Variants in ZNF148 observed in about 807,000 individuals in gnomAD.
The protein encoded by ZNF148 is Beta-Enolase Repressor Factor-1.
In ZNF148, 7 loss-of-function variants were observed where a neutral mutation model predicts 67.7. The ratio of observed to expected loss-of-function variants is 0.10; its 90% CI spans 0.06 to 0.19. ZNF148 has a LOEUF of 0.19. ZNF148 is among the 10% of genes least tolerant of loss of function. The pLI is 1.00. For synonymous variants in ZNF148, 333 were observed against 330.7 expected (o/e 1.01, Z -0.08); for missense variants, 583 against 947.1 (o/e 0.62, Z 5.05).
chr3:125,260,057 AAC>A (rs1453184353), intron 7 of ZNF148, among the ~76,000 whole-genome samples: 1 of 152,200 alleles, frequency 6.6e-6, no homozygotes, highest in Non-Finnish European at 1.5e-5. Flanking sequence ...GAGCAGTTGG[AAC>A]ACACACAACA....
chr3:125,325,734 C>G (rs747254753), intron 2 of ZNF148, among the ~76,000 whole-genome samples: 1 of 152,094 alleles, frequency 6.6e-6, no homozygotes, highest in Non-Finnish European at 1.5e-5. Flanking sequence ...CAAATCCCCA[C>G]CTGTGCTGGG....
chr3:125,238,718 G>GT (rs1200971077), intron 7 of ZNF148, among the ~76,000 whole-genome samples: 3 of 152,176 alleles, frequency 2.0e-5, no homozygotes, highest in African/African-American at 7.2e-5. Flanking sequence ...TCCTCGAAAA[G>GT]TTTAACAGAA....
chr3:125,341,715 C>T (rs1003102081), intron 1 of ZNF148, among the ~76,000 whole-genome samples: 1 of 152,124 alleles, frequency 6.6e-6, no homozygotes, highest in African/African-American at 2.4e-5. Context: ...TAGAGATGGG[C>T]TAGGCATGGT....
At chr3:125,236,560 C>CT (rs1452181837) in intron 7 of ZNF148, among the ~76,000 whole-genome samples, 6 of 152,064 alleles carry the variant, frequency 3.9e-5, no homozygotes, top group Non-Finnish European at 5.9e-5. Flanking sequence ...TAACAGTACT[C>CT]TAAGTGTTTA....
intron 4 of ZNF148, among the ~76,000 whole-genome samples, chr3:125,308,636 A>G (rs1345567511): frequency 6.6e-6 from 1 of 152,178 alleles, no homozygotes; most frequent in Non-Finnish European, 1.5e-5. Context: ...AAATTGGAGG[A>G]CATACACAAT....
At position 125,233,606 on chromosome 3, in the gene ZNF148, C is replaced by T. The variant is rs1935952549; in HGVS notation, c.1120G>A (p.Gly374Arg). ...YAVEMPHSSV[G>R]GSHLEDASGE... ...GACGCATCTTCTAAATGCGAGCCCC[C>T]AACTGACGAATGTGGCATTTCAACA... The change falls in exon 9 of 9, where the codon GGG (glycine) becomes AGG (arginine). Residue 374 changes from glycine to arginine, a missense_variant. Gly to Arg is a moderately radical substitution (Grantham distance 125). Coordinates refer to ENST00000360647, the MANE Select transcript of ZNF148 (RefSeq NM_021964.3). This position sits in a 1 kb window ranked among gnomAD's most constrained non-coding sequence, Gnocchi z 5.1. 2 of 1,613,956 alleles carry T rather than the reference C, an allele frequency of 1.2e-6. No homozygotes were observed. Among genetic ancestry groups the T allele is most frequent in the Non-Finnish European group, 1.7e-6 (2 of 1,179,944 alleles).
rs916672227 is a variant in ZNF148 at position 125,337,326 on chromosome 3, A to G, written c.-233-6088T>C. Reference sequence around the variant, plus strand: ...AGCATTTTATAAACTTTAAACTACTAAAGAGATAGAACTTTTAAATCTAAA... The same window carrying G: ...AGCATTTTATAAACTTTAAACTACTGAAGAGATAGAACTTTTAAATCTAAA... On this transcript the variant is annotated intron_variant, in intron 1 of 8. Coordinates refer to ENST00000360647, the MANE Select transcript of ZNF148 (RefSeq NM_021964.3). 2.0e-5 allele frequency among the ~76,000 whole-genome samples: 3 copies of G among 152,180 alleles called. No individual in the cohort carries two copies. In the South Asian group the frequency reaches 6.2e-4, roughly 31 times the overall value.
intron 1 of ZNF148, among the ~76,000 whole-genome samples, chr3:125,371,982 T>C (rs1579929271): frequency 6.7e-6 from 1 of 148,810 alleles, no homozygotes; most frequent in East Asian, 2.0e-4. Flanking sequence ...GAGAATGGCG[T>C]GAACCTGGGA....
intron 1 of ZNF148, among the ~76,000 whole-genome samples, chr3:125,342,000 G>GAGA (rs1491297796): frequency 1.3e-5 from 1 of 75,938 alleles, no homozygotes; most frequent in Non-Finnish European, 2.8e-5. Context: ...GTTTCGGGGC[G>GAGA]GGGGGGGGAA....
chr3:125,264,479 A>T (rs1937482095), intron 7 of ZNF148, among the ~76,000 whole-genome samples: 1 of 152,228 alleles, frequency 6.6e-6, no homozygotes, highest in Non-Finnish European at 1.5e-5. Flanking sequence ...GGGTAGAAAC[A>T]GATCATAGTA....
chr3:125,300,433 G>A (rs1245245273), intron 4 of ZNF148, among the ~76,000 whole-genome samples: 2 of 152,140 alleles, frequency 1.3e-5, no homozygotes, highest in African/African-American at 4.8e-5. Flanking sequence ...TAAGAATTGG[G>A]TATAACTAAC....
intron 5 of ZNF148, among the ~76,000 whole-genome samples, chr3:125,284,958 C>G (rs1304759296): frequency 6.7e-6 from 1 of 148,504 alleles, no homozygotes. Context: ...GAGAAAAGTT[C>G]AGAAGGCAAT....
In ZNF148 at chr3:125,331,242, CA is replaced by C. The variant is rs1941278125; in HGVS notation, c.-233-5del. On this transcript the variant is annotated splice_polypyrimidine_tract_variant and splice_region_variant and intron_variant, in intron 1 of 8. Coordinates refer to ENST00000360647, the MANE Select transcript of ZNF148 (RefSeq NM_021964.3). ...GCTGCTGATTCCTCCCTCTATCCTACAAAAGTACACAAATACAGGTTAACCC... is the reference window on the plus strand; with the variant it reads ...GCTGCTGATTCCTCCCTCTATCCTACAAAGTACACAAATACAGGTTAACCC... 2.5e-6 allele frequency: 1 copy of C among 398,378 alleles called. No homozygotes were observed. The highest frequency in any genetic ancestry group is 3.6e-5 in the East Asian group (1 of 28,080). The allele number at this position is 398,378 out of a possible 1,614,324, so 24.7% of individuals were successfully genotyped here.
intron 4 of ZNF148, among the ~76,000 whole-genome samples, chr3:125,307,452 G>A (rs1242343843): frequency 2.6e-5 from 4 of 152,104 alleles, no homozygotes; most frequent in South Asian, 2.1e-4. Context: ...ACAGGCGCTT[G>A]CTACCACGCC....
intron 7 of ZNF148, among the ~76,000 whole-genome samples, chr3:125,243,408 T>C (rs1385033915): frequency 6.6e-6 from 1 of 152,240 alleles, no homozygotes; most frequent in East Asian, 1.9e-4. Context: ...TCATATTGCT[T>C]GCAGAAAATA....
chr3:125,269,303 C>A (rs773990888), intron 7 of ZNF148, among the ~76,000 whole-genome samples: 6 of 151,276 alleles, frequency 4.0e-5, no homozygotes, highest in Non-Finnish European at 7.4e-5. Context: ...ATCGCTTGAG[C>A]CCGGGAGGTT....
chr3:125,313,274 T>C lies in ZNF148; in HGVS notation c.333+34A>G, dbSNP rs1323038097. On this transcript the variant is annotated intron_variant, in intron 4 of 8. Transcript: ENST00000360647. Reference sequence around the variant, plus strand: ...GTATTACGTAACAAAAAATTATGTTTCTAAGTTTAATATCTTATAAAGGAA... The same window carrying C: ...GTATTACGTAACAAAAAATTATGTTCCTAAGTTTAATATCTTATAAAGGAA... 5 of 1,536,718 alleles carry C rather than the reference T, an allele frequency of 3.3e-6. 1 individual carries two copies. In the South Asian group the frequency reaches 6.2e-5, roughly 19 times the overall value.
rs373227222 is a variant in ZNF148 at position 125,312,200 on chromosome 3, A to G, written c.333+1108T>C. ...AAAATCCTCAAAATATGATCAAATC[A>G]AATCCAACCACATCTAAAAAGAACT... is the stretch of plus-strand genomic sequence containing the variant. On this transcript the variant is annotated intron_variant, in intron 4 of 8. Transcript: ENST00000360647. Among the ~76,000 whole-genome samples, 35 of 152,374 alleles carry G rather than the reference A, an allele frequency of 2.3e-4. 1 individual carries two copies. In the South Asian group the frequency reaches 7.0e-3, roughly 31 times the overall value.
intron 1 of ZNF148, among the ~76,000 whole-genome samples, chr3:125,361,299 G>A (rs949148168): frequency 7.9e-5 from 12 of 151,934 alleles, no homozygotes; most frequent in African/African-American, 1.7e-4. Flanking sequence ...CTAAAAAATC[G>A]CTTGGGAGTC....
Sources: gnomAD v4.1 joint callset for allele counts (sites outside exome capture counted in the v4.1 genomes callset) on GRCh38, gnomAD v4.1.1 for gene constraint, Gnocchi (gnomAD v3.1) non-coding constraint, MANE v1.5 for transcripts, NCBI Gene and HGNC (gene_info 2026-07-23, HGNC 2026-07-21) for gene names.